Variants in TNR observed in about 807,000 individuals in gnomAD.
TNR encodes the protein tenascin R, also known as tenascin-R.
A neutral mutation model predicts 150.4 loss-of-function variants in TNR; 45 were observed. The ratio of observed to expected loss-of-function variants is 0.30; its 90% confidence interval spans 0.24 to 0.38. The LOEUF (loss-of-function observed/expected upper bound fraction) is 0.38. TNR is among the 10% of genes least tolerant of loss of function. The pLI, the probability that TNR is intolerant of heterozygous loss-of-function variation, is 1.00. For missense variants in TNR, 1,544 were observed against 1,759.1 expected (o/e 0.88, Z 2.19); for synonymous variants, 687 against 678.4 (o/e 1.01, Z -0.20).
At chr1:175,535,934 A>C (rs1014204857) in intron 1 of TNR, among the ~76,000 whole-genome samples, 2 of 152,194 alleles carry the variant, frequency 1.3e-5, no homozygotes, top group Non-Finnish European at 2.9e-5. Context: ...CAGTAGTATC[A>C]GCAGAAACTA....
chr1:175,354,801 G>A (rs529733609), intron 17 of TNR, among the ~76,000 whole-genome samples: 5 of 152,162 alleles, frequency 3.3e-5, no homozygotes, highest in Non-Finnish European at 7.4e-5. Context: ...CACTGTACTT[G>A]CTTGAGAGCA....
In TNR at chr1:175,322,236, G is replaced by A. The variant is rs576276219; in HGVS notation, c.*1121C>T. 2 of 152,286 alleles carry A rather than the reference G, an allele frequency of 1.3e-5. No homozygotes were observed. The highest frequency in any genetic ancestry group is 1.5e-5 in the Non-Finnish European group (1 of 68,088). The allele number at this position is 152,286 out of a possible 1,614,324, so 9.4% of individuals were successfully genotyped here. ...AAAGTGACTGTCTGTCTGACCTGAG[G>A]GTGGGGGCAGTGGCTGATGACTCAC... On this transcript the variant is annotated 3_prime_UTR_variant, in exon 23 of 23. Coordinates refer to ENST00000367674, the MANE Select transcript of TNR (RefSeq NM_003285.3).
At chr1:175,396,112 T>C (rs931784123) in intron 5 of TNR, among the ~76,000 whole-genome samples, 1 of 151,452 alleles carries the variant, frequency 6.6e-6, no homozygotes, top group Non-Finnish European at 1.5e-5. Context: ...TTAAATAAGA[T>C]TTTTTTCTCA....
At chr1:175,622,532 G>A (rs963791221) in intron 1 of TNR, among the ~76,000 whole-genome samples, 5 of 152,116 alleles carry the variant, frequency 3.3e-5, no homozygotes, top group Non-Finnish European at 5.9e-5. Context: ...CCTCTAGCCC[G>A]ATATCCACGT....
intron 18 of TNR, among the ~76,000 whole-genome samples, chr1:175,342,242 A>G (rs1227015139): frequency 6.6e-6 from 1 of 152,176 alleles, no homozygotes. Flanking sequence ...TGGGCGTGCA[A>G]TGATGCCTGG....
At chr1:175,558,199 C>A (rs576914215) in intron 1 of TNR, among the ~76,000 whole-genome samples, 3 of 143,628 alleles carry the variant, frequency 2.1e-5, no homozygotes, top group African/African-American at 7.8e-5. Flanking sequence ...GTGCAGCGCA[C>A]CAGCATGGCA....
chr1:175,588,861 C>T (rs1571645628), intron 1 of TNR, among the ~76,000 whole-genome samples: 1 of 152,288 alleles, frequency 6.6e-6, no homozygotes, highest in South Asian at 2.1e-4. Context: ...GGGCCAGTGC[C>T]TCTCCCATGA....
chr1:175,720,136 G>A (rs544148815), intron 1 of TNR, among the ~76,000 whole-genome samples: 43 of 152,314 alleles, frequency 2.8e-4, no homozygotes, highest in African/African-American at 9.1e-4. Flanking sequence ...TGACAATTTG[G>A]AGATAGGGTC....
At chr1:175,742,421 G>A (rs781413438) in intron 1 of TNR, among the ~76,000 whole-genome samples, 5 of 152,140 alleles carry the variant, frequency 3.3e-5, no homozygotes, top group Non-Finnish European at 7.3e-5. Context: ...AACAGACTTT[G>A]TCTTCTTTCC....
At chr1:175,724,084 G>T (rs1169629238) in intron 1 of TNR, among the ~76,000 whole-genome samples, 1 of 152,154 alleles carries the variant, frequency 6.6e-6, no homozygotes, top group Non-Finnish European at 1.5e-5. Context: ...TTACCATTAA[G>T]TCAGGAAAGC....
chr1:175,568,632 G>A (rs1395974013), intron 1 of TNR, among the ~76,000 whole-genome samples: 2 of 151,916 alleles, frequency 1.3e-5, no homozygotes, highest in Non-Finnish European at 2.9e-5. Context: ...TCCAGTCCTC[G>A]GCCTCCCATC....
intron 2 of TNR, among the ~76,000 whole-genome samples, chr1:175,527,405 C>A (rs1008490735): frequency 5.9e-5 from 9 of 152,180 alleles, no homozygotes; most frequent in Non-Finnish European, 1.0e-4. Flanking sequence ...TGCCTTAAAT[C>A]TGTAGAGTAG....
intron 4 of TNR, among the ~76,000 whole-genome samples, chr1:175,397,757 A>G (rs1653501434): frequency 1.3e-5 from 2 of 152,294 alleles, no homozygotes; most frequent in South Asian, 4.1e-4. Context: ...CTTTCTTCTG[A>G]TTTCTCAAAT....
intron 1 of TNR, among the ~76,000 whole-genome samples, chr1:175,657,298 AG>A (rs1665208359): frequency 6.6e-6 from 1 of 152,224 alleles, no homozygotes; most frequent in Non-Finnish European, 1.5e-5. Context: ...GTGGAGAAAT[AG>A]GAACACTTTT....
chr1:175,464,158 A>T (rs534567932), intron 2 of TNR, among the ~76,000 whole-genome samples: 1 of 152,246 alleles, frequency 6.6e-6, no homozygotes, highest in African/African-American at 2.4e-5. Context: ...TTGAACTGAA[A>T]GGGGAATAAT....
chr1:175,491,185 C>T (rs957472433), intron 2 of TNR, among the ~76,000 whole-genome samples: 4 of 1,938 alleles, frequency 2.1e-3, no homozygotes, highest in Non-Finnish European at 2.8e-3. Context: ...CACATGGGCA[C>T]ATGTGGGGGA....
chr1:175,709,706 T>A (rs1051074622), intron 1 of TNR, among the ~76,000 whole-genome samples: 1 of 152,172 alleles, frequency 6.6e-6, no homozygotes, highest in Non-Finnish European at 1.5e-5. Context: ...TACACAAACT[T>A]GCTTTCTGTT....
intron 1 of TNR, among the ~76,000 whole-genome samples, chr1:175,694,105 C>A (rs1469013351): frequency 2.0e-5 from 3 of 152,324 alleles, no homozygotes; most frequent in African/African-American, 7.2e-5. Flanking sequence ...TCTCTTCAGA[C>A]ACCACCTCTC....
intron 1 of TNR, among the ~76,000 whole-genome samples, chr1:175,606,382 G>A (rs1243749787): frequency 6.6e-6 from 1 of 152,164 alleles, no homozygotes; most frequent in Admixed American, 6.5e-5. Context: ...AAATATGATC[G>A]ACTGAGTTGG....
Sources: gnomAD v4.1 joint callset for allele counts (sites outside exome capture counted in the v4.1 genomes callset) on GRCh38, gnomAD v4.1.1 for gene constraint, MANE v1.5 for transcripts, NCBI Gene and HGNC (gene_info 2026-07-23, HGNC 2026-07-21) for gene names.